Variants in DCAF6 observed in about 807,000 individuals in gnomAD.
DCAF6 encodes the protein DDB1 and CUL4 associated factor 6.
Under a neutral mutation model 125.1 loss-of-function variants are expected in DCAF6, and 54 were observed. The observed-to-expected ratio is 0.43, with a 90% confidence interval of 0.35 to 0.54. The LOEUF is 0.54. DCAF6 is among the 20% of genes least tolerant of loss of function. The pLI is 0.01. For synonymous variants in DCAF6, 371 were observed against 390.4 expected (o/e 0.95, Z 0.58); for missense variants, 934 against 1,161.7 (o/e 0.80, Z 2.85).
chr1:167,921,534 C>T, the DCAF6 span, among the ~76,000 whole-genome samples: 1 of 152,056 alleles, frequency 6.6e-6, no homozygotes, highest in Non-Finnish European at 1.5e-5. Flanking sequence ...GGCTGTTACG[C>T]CATTTTTCTT....
upstream of DCAF6, chr1:167,935,596 G>C: frequency 1.5e-6 from 1 of 685,102 alleles, no homozygotes; most frequent in East Asian, 2.7e-5. Flanking sequence ...GGCTAGGAGA[G>C]TAGACGGCTT....
chr1:167,999,602 T>G (rs1467267022), intron 7 of DCAF6, among the ~76,000 whole-genome samples: 3 of 152,220 alleles, frequency 2.0e-5, no homozygotes, highest in East Asian at 3.8e-4. Context: ...CAGGACTTGC[T>G]GCTTTACCTT....
the DCAF6 span, among the ~76,000 whole-genome samples, chr1:167,881,122 T>C: frequency 6.6e-6 from 1 of 152,222 alleles, no homozygotes; most frequent in Non-Finnish European, 1.5e-5. Context: ...GTTATATATA[T>C]TCAAAAAGTC....
chr1:167,905,123 T>G, the DCAF6 span: 1 of 1,614,240 alleles, frequency 6.2e-7, no homozygotes, highest in Non-Finnish European at 8.5e-7. Context: ...CCTGGAATTC[T>G]TCTTTTGGAG....
chr1:168,008,973 T>A, intron 10 of DCAF6, among the ~76,000 whole-genome samples: 1 of 147,926 alleles, frequency 6.8e-6, no homozygotes, highest in Non-Finnish European at 1.5e-5. Context: ...TTTTCTTCCT[T>A]CTTTTCTTTT....
the DCAF6 span, among the ~76,000 whole-genome samples, chr1:167,913,172 T>C: frequency 6.6e-6 from 1 of 152,074 alleles, no homozygotes; most frequent in Non-Finnish European, 1.5e-5. Flanking sequence ...GAATGAGAAA[T>C]GAGGATACCT....
At chr1:168,071,134 ATAGTCTGATT>A (rs568386271) in intron 21 of DCAF6, among the ~76,000 whole-genome samples, 4 of 152,134 alleles carry the variant, frequency 2.6e-5, no homozygotes, top group Non-Finnish European at 5.9e-5. Context: ...TCTTGTCCTC[ATAGTCTGATT>A]TTCACACAGC....
At chr1:167,991,755 G>C (rs948350061) in intron 6 of DCAF6, among the ~76,000 whole-genome samples, 4 of 152,134 alleles carry the variant, frequency 2.6e-5, no homozygotes, top group African/African-American at 9.7e-5. Flanking sequence ...TGGTATAGAT[G>C]AATCACTCTT....
At chr1:167,998,479 G>A (rs904695568) in intron 7 of DCAF6, among the ~76,000 whole-genome samples, 4 of 152,086 alleles carry the variant, frequency 2.6e-5, no homozygotes, top group Non-Finnish European at 5.9e-5. Context: ...CATAAAAGAT[G>A]TATTTGTAGC....
chr1:167,903,255 C>CA, the DCAF6 span, among the ~76,000 whole-genome samples: 5,402 of 143,194 alleles, frequency 0.038, 220 homozygotes, highest in African/African-American at 0.1. Context: ...GACTCTGACT[C>CA]AAAAAAAAAA....
In DCAF6 at chr1:168,068,408, A is replaced by G; in HGVS notation, c.2736A>G (p.Thr912=). The G allele has an allele frequency of 6.3e-7, 1 of 1,586,444 alleles. No homozygotes were observed. Among genetic ancestry groups the G allele is most frequent in the Non-Finnish European group, 8.6e-7 (1 of 1,165,268 alleles). The change falls in exon 21 of 22, where the codon ACA becomes ACG. Residue 912 remains threonine, a synonymous_variant. Coordinates refer to ENST00000367840, the MANE Select transcript of DCAF6 (RefSeq NM_001198956.2). ...LMLEETRNTI[T]VPASFMLRML... ...TGGAAGAAACTAGAAACACCATTAC[A>G]GTTCCAGCCTCTTTCATGTTGAGGA... is the stretch of plus-strand genomic sequence containing the variant.
At chr1:167,902,388 A>G in the DCAF6 span, among the ~76,000 whole-genome samples, 1 of 152,202 alleles carries the variant, frequency 6.6e-6, no homozygotes, top group African/African-American at 2.4e-5. Context: ...ATTGATCAAT[A>G]TATGTTATAG....
the DCAF6 span, among the ~76,000 whole-genome samples, chr1:167,873,532 A>G: frequency 6.6e-6 from 1 of 152,190 alleles, no homozygotes; most frequent in African/African-American, 2.4e-5. Context: ...AGGAAATTAC[A>G]AGTGCTACTA....
the DCAF6 span, among the ~76,000 whole-genome samples, chr1:167,890,865 T>C: frequency 6.6e-6 from 1 of 152,230 alleles, no homozygotes; most frequent in Non-Finnish European, 1.5e-5. Context: ...AACTGATGTA[T>C]GGAGAAGTAA....
chr1:167,870,497 T>C, the DCAF6 span: 1 of 1,231,748 alleles, frequency 8.1e-7, no homozygotes. Context: ...ACCCTCCTTC[T>C]AAAAATATCC....
chr1:167,961,498 C>T (rs1278614472), intron 2 of DCAF6, among the ~76,000 whole-genome samples: 8 of 152,204 alleles, frequency 5.3e-5, no homozygotes, highest in Non-Finnish European at 1.5e-5. Context: ...TCCTTTGCCT[C>T]CCAAAATGCT....
the DCAF6 span, chr1:167,893,746 T>C: frequency 1.5e-6 from 1 of 662,702 alleles, no homozygotes; most frequent in Non-Finnish European, 2.6e-6. Context: ...TAATGGAACA[T>C]TTTACTATTT....
chr1:168,015,039 G>T (rs1194884162), intron 10 of DCAF6, among the ~76,000 whole-genome samples: 1 of 152,064 alleles, frequency 6.6e-6, no homozygotes, highest in Non-Finnish European at 1.5e-5. Context: ...TTTTCTCTCA[G>T]AACATTAACT....
intron 2 of DCAF6, among the ~76,000 whole-genome samples, chr1:167,954,785 T>C (rs1332821562): frequency 6.6e-6 from 1 of 152,210 alleles, no homozygotes; most frequent in Admixed American, 6.5e-5. Context: ...TATTGAGATA[T>C]GATCAGCTGT....
Sources: gnomAD v4.1 joint callset for allele counts (sites outside exome capture counted in the v4.1 genomes callset) on GRCh38, gnomAD v4.1.1 for gene constraint, MANE v1.5 for transcripts, NCBI Gene and HGNC (gene_info 2026-07-23, HGNC 2026-07-21) for gene names.